Variants in KSR2 observed in about 807,000 individuals in gnomAD.
KSR2 encodes kinase suppressor of ras 2.
A neutral mutation model predicts 107.8 loss-of-function variants in KSR2; 25 were observed. The observed-to-expected ratio is 0.23, with a 90% confidence interval of 0.17 to 0.32. The LOEUF (loss-of-function observed/expected upper bound fraction) is 0.32. KSR2 is among the 10% of genes least tolerant of loss of function. KSR2 has a pLI of 1.00. For missense variants in KSR2, 887 were observed against 1,268.9 expected (o/e 0.70, Z 4.57); for synonymous variants, 480 against 507.0 (o/e 0.95, Z 0.71).
chr12:117,828,457 A>G (rs906896988), intron 3 of KSR2, among the ~76,000 whole-genome samples: 6 of 152,220 alleles, frequency 3.9e-5, no homozygotes, highest in Admixed American at 3.9e-4. Context: ...ATTTTTATTG[A>G]GTGCTTACTG....
At chr12:117,702,255 C>T (rs1025259183) in intron 4 of KSR2, among the ~76,000 whole-genome samples, 22 of 152,312 alleles carry the variant, frequency 1.4e-4, no homozygotes, top group Admixed American at 1.2e-3. Flanking sequence ...CAACACCAAG[C>T]ACCTCGCGTT....
At chr12:117,600,149 T>G (rs1880858309) in intron 5 of KSR2, among the ~76,000 whole-genome samples, 1 of 152,198 alleles carries the variant, frequency 6.6e-6, no homozygotes, top group Non-Finnish European at 1.5e-5. Context: ...GAAATGGGTC[T>G]GAGCCCAAAA....
chr12:117,728,253 TCAGGAAG>T (rs1887519578), intron 4 of KSR2, among the ~76,000 whole-genome samples: 1 of 152,126 alleles, frequency 6.6e-6, no homozygotes, highest in South Asian at 2.1e-4. Context: ...GAAAGGTAAA[TCAGGAAG>T]CATGTCCTCT....
chr12:117,786,957 A>T (rs1391425859), intron 3 of KSR2, among the ~76,000 whole-genome samples: 2 of 151,918 alleles, frequency 1.3e-5, no homozygotes, highest in Non-Finnish European at 2.9e-5. Flanking sequence ...TGAACCCAGG[A>T]GGTGGAGGTT....
intron 5 of KSR2, among the ~76,000 whole-genome samples, chr12:117,622,846 G>A (rs1022537843): frequency 6.6e-6 from 1 of 152,204 alleles, no homozygotes; most frequent in Non-Finnish European, 1.5e-5. Context: ...ATATGGTGCT[G>A]AATGCAAGAA....
intron 5 of KSR2, among the ~76,000 whole-genome samples, chr12:117,663,319 C>T (rs768474661): frequency 3.3e-5 from 5 of 152,178 alleles, no homozygotes; most frequent in African/African-American, 2.4e-5. Flanking sequence ...ACTCTCTCAA[C>T]CCCAGTTTCT....
intron 7 of KSR2, among the ~76,000 whole-genome samples, chr12:117,574,698 T>C (rs994381893): frequency 1.3e-5 from 2 of 152,072 alleles, no homozygotes; most frequent in Non-Finnish European, 2.9e-5. Flanking sequence ...AGCCATTGCA[T>C]TTAAGACCAT....
intron 9 of KSR2, among the ~76,000 whole-genome samples, chr12:117,545,059 G>GT (rs1876762308): frequency 6.6e-6 from 1 of 152,116 alleles, no homozygotes; most frequent in South Asian, 2.1e-4. Flanking sequence ...TGTCAAACAA[G>GT]TTTTTTGTAT....
chr12:117,771,021 T>C (rs988899497), intron 3 of KSR2, among the ~76,000 whole-genome samples: 6 of 150,562 alleles, frequency 4.0e-5, no homozygotes, highest in African/African-American at 1.5e-4. Context: ...AGTAATGCTA[T>C]AAAGCACTTT....
intron 1 of KSR2, among the ~76,000 whole-genome samples, chr12:117,929,630 G>T (rs1895641842): frequency 6.6e-6 from 1 of 152,178 alleles, no homozygotes; most frequent in South Asian, 2.1e-4. Flanking sequence ...TAGACGAATG[G>T]ATAAATGAAA....
At chr12:117,474,443 C>T (rs922282009) in intron 17 of KSR2, among the ~76,000 whole-genome samples, 5 of 151,776 alleles carry the variant, frequency 3.3e-5, no homozygotes, top group East Asian at 1.9e-4. Context: ...AGTGAGGATG[C>T]GGTGGGGGCC....
At chr12:117,872,606 A>G (rs1893687437) in intron 1 of KSR2, among the ~76,000 whole-genome samples, 1 of 152,202 alleles carries the variant, frequency 6.6e-6, no homozygotes, top group African/African-American at 2.4e-5. Flanking sequence ...CATCTCTTAG[A>G]AATTCTGATT....
chr12:117,848,544 G>A (rs1011390795), intron 3 of KSR2, among the ~76,000 whole-genome samples: 52 of 152,340 alleles, frequency 3.4e-4, no homozygotes, highest in African/African-American at 1.2e-3. Context: ...GAACAATCAA[G>A]CCAGACAGAA....
chr12:117,563,280 A>T (rs1224944468), intron 7 of KSR2, among the ~76,000 whole-genome samples: 1 of 152,192 alleles, frequency 6.6e-6, no homozygotes, highest in Non-Finnish European at 1.5e-5. Flanking sequence ...GAGAACTACC[A>T]TATCAGAGGA....
chr12:117,606,491 T>C (rs148831167), intron 5 of KSR2, among the ~76,000 whole-genome samples: 430 of 10,420 alleles, frequency 0.041, 130 homozygotes, highest in Non-Finnish European at 0.062. Context: ...TCTCCTTCCT[T>C]CCTCCATCCC....
chr12:117,887,118 C>G (rs990076340), intron 1 of KSR2, among the ~76,000 whole-genome samples: 2 of 151,976 alleles, frequency 1.3e-5, no homozygotes, highest in African/African-American at 4.8e-5. Context: ...GAGATGGAGT[C>G]TTGCTCTGTT....
At chr12:117,845,689 T>C (rs1269164771) in intron 3 of KSR2, among the ~76,000 whole-genome samples, 8 of 149,866 alleles carry the variant, frequency 5.3e-5, no homozygotes, top group Admixed American at 5.3e-4. Flanking sequence ...TTTCTTTTTT[T>C]TTTTTTCCTG....
chr12:117,708,604 T>C lies in KSR2; in HGVS notation c.987-40946A>G, dbSNP rs137863593. Among the ~76,000 whole-genome samples the C allele has an allele frequency of 1.2e-3, 178 of 152,274 alleles. 1 individual carries two copies. The highest frequency in any genetic ancestry group is 4.0e-3 in the African/African-American group (166 of 41,564). On this transcript the variant is annotated intron_variant, in intron 4 of 19. Transcript: ENST00000339824. ...AGCTGATGATAGTATTGCCAGAGAATATCTCTCTGCTGTCAGTCTCTCCAA... is the reference window on the plus strand; with the variant it reads ...AGCTGATGATAGTATTGCCAGAGAACATCTCTCTGCTGTCAGTCTCTCCAA...
chr12:117,778,337 C>T (rs1020846390), intron 3 of KSR2, among the ~76,000 whole-genome samples: 8 of 152,216 alleles, frequency 5.3e-5, no homozygotes, highest in Non-Finnish European at 1.2e-4. Flanking sequence ...GTGATCTGCC[C>T]GCCTCGGCCT....
Sources: allele counts gnomAD v4.1 joint callset (sites outside exome capture counted in the v4.1 genomes callset), GRCh38; gene constraint gnomAD v4.1.1; transcripts MANE v1.5; gene names NCBI Gene and HGNC (gene_info 2026-07-23, HGNC 2026-07-21).